The following NAALADL2 variants were observed in gnomAD, a reference collection of about 807,000 sequenced individuals.
The protein encoded by NAALADL2 is N-acetylated alpha-linked acidic dipeptidase like 2.
A neutral mutation model predicts 87.2 loss-of-function variants in NAALADL2; 76 were observed. That is an observed-to-expected ratio of 0.87 (90% CI 0.72 to 1.05). NAALADL2 has a LOEUF of 1.05. Among genes scored for constraint, NAALADL2 ranks in the 50% least tolerant of loss-of-function variants. NAALADL2 has a pLI of 0.00. For missense variants in NAALADL2, 1,089 were observed against 945.8 expected (o/e 1.15, Z -1.99); for synonymous variants, 354 against 331.0 (o/e 1.07, Z -0.75).
At chr3:175,068,002 C>A (rs753542221) in intron 1 of NAALADL2, among the ~76,000 whole-genome samples, 4 of 152,150 alleles carry the variant, frequency 2.6e-5, no homozygotes, top group Non-Finnish European at 5.9e-5. Context: ...AAACCATATA[C>A]CACATGTTCT....
At chr3:174,662,490 A>G (rs1725591904) in intron 2 of NAALADL2, among the ~76,000 whole-genome samples, 1 of 151,562 alleles carries the variant, frequency 6.6e-6, no homozygotes, top group Admixed American at 6.6e-5. Context: ...AACAGCATCA[A>G]CTATTTTTTG....
chr3:174,611,676 C>T (rs71310593), intron 2 of NAALADL2, among the ~76,000 whole-genome samples: 1 of 151,828 alleles, frequency 6.6e-6, no homozygotes, highest in Admixed American at 6.6e-5. Flanking sequence ...GCTGCAACCT[C>T]TGCCTCCCGG....
intron 1 of NAALADL2, among the ~76,000 whole-genome samples, chr3:174,989,294 G>A (rs961884303): frequency 6.6e-6 from 1 of 152,128 alleles, no homozygotes; most frequent in Non-Finnish European, 1.5e-5. Flanking sequence ...GGTACTGTCA[G>A]GATTTCAGAC....
intron 1 of NAALADL2, among the ~76,000 whole-genome samples, chr3:174,946,872 C>T (rs1009349209): frequency 2.6e-5 from 4 of 152,130 alleles, no homozygotes; most frequent in African/African-American, 9.7e-5. Flanking sequence ...AACATATGAA[C>T]ATTTCTATTT....
chr3:175,278,630 G>A (rs1013542275), intron 4 of NAALADL2, among the ~76,000 whole-genome samples: 4 of 152,068 alleles, frequency 2.6e-5, no homozygotes, highest in African/African-American at 4.8e-5. Flanking sequence ...GTGAGAAAGT[G>A]ACTTTGGACT....
Position 175,755,231 on chromosome 3 carries a change from A to C in NAALADL2, c.2002A>C (p.Asn668His), listed in dbSNP as rs1273011335. Residue 668 changes from asparagine to histidine, a missense_variant, in exon 13 of 14, where the codon AAC becomes CAC. Asn to His is a moderately conservative substitution (Grantham distance 68, BLOSUM62 1). Coordinates refer to ENST00000454872, the MANE Select transcript of NAALADL2 (RefSeq NM_207015.3). The part of the protein sequence containing the change: ...VQNNLKGDQP[N>H]THQLLAMALR... Reference sequence around the variant, plus strand: ...TTTATCTTCACCAGGTGATCAACCCAACACTCATCAACTGTTAGCCATGGC... The same window carrying C: ...TTTATCTTCACCAGGTGATCAACCCCACACTCATCAACTGTTAGCCATGGC... 5.6e-6 allele frequency: 9 copies of C among 1,612,730 alleles called. No homozygotes were observed. Among genetic ancestry groups the C allele is most frequent in the Non-Finnish European group, 6.8e-6 (8 of 1,179,618 alleles).
chr3:174,564,857 C>G, intron 2 of NAALADL2, among the ~76,000 whole-genome samples: 1 of 151,424 alleles, frequency 6.6e-6, no homozygotes, highest in South Asian at 2.1e-4. Context: ...TTCCATTTCT[C>G]TACAGACTTT....
Position 174,475,735 on chromosome 3 carries a change from T to C in NAALADL2, c.-184+34703T>C, listed in dbSNP as rs79035447. On this transcript the variant is annotated intron_variant, in intron 1 of 3. Transcript: ENST00000434257. The stretch of plus-strand genomic sequence containing the variant: ...TAGGAATAAAACACGACTTCTTCCT[T>C]TGTCCTCTTCGCTTCTTTTGGTGAG... Among the ~76,000 whole-genome samples the C allele has an allele frequency of 1.9e-3, 288 of 152,184 alleles. 1 individual carries two copies. The highest frequency in any genetic ancestry group is 6.6e-3 in the African/African-American group (276 of 41,584).
rs529154318 is a variant in NAALADL2 at position 175,182,299 on chromosome 3, T to C, written c.546-51632T>C. Among the ~76,000 whole-genome samples, 98 of 152,234 alleles carry C rather than the reference T, an allele frequency of 6.4e-4. No individual in the cohort carries two copies. In the Middle Eastern group the frequency reaches 0.01, roughly 16 times the overall value. On this transcript the variant is annotated intron_variant, in intron 2 of 13. Coordinates refer to ENST00000454872, the MANE Select transcript of NAALADL2 (RefSeq NM_207015.3). ...TTTCTTATATATTTTGGATACTAGC[T>C]CTTTACCAAATGTATGGCTTGAAAA...
chr3:175,214,838 C>CA (rs1482444869), intron 2 of NAALADL2, among the ~76,000 whole-genome samples: 1 of 152,062 alleles, frequency 6.6e-6, no homozygotes, highest in Non-Finnish European at 1.5e-5. Flanking sequence ...GTCTGCAATC[C>CA]AGCAGTACAG....
At chr3:175,449,257 T>C (rs1721168320) in intron 6 of NAALADL2, among the ~76,000 whole-genome samples, 1 of 152,024 alleles carries the variant, frequency 6.6e-6, no homozygotes, top group Non-Finnish European at 1.5e-5. Context: ...TTTTAAATCT[T>C]GTTGTAGAGA....
intron 3 of NAALADL2, among the ~76,000 whole-genome samples, chr3:175,254,808 A>G (rs868267522): frequency 6.6e-6 from 1 of 152,260 alleles, no homozygotes; most frequent in African/African-American, 2.4e-5. Context: ...AAAATGTATT[A>G]AAGGCACTGA....
intron 10 of NAALADL2, among the ~76,000 whole-genome samples, chr3:175,617,528 G>A (rs900967144): frequency 6.6e-6 from 1 of 152,184 alleles, no homozygotes; most frequent in African/African-American, 2.4e-5. Flanking sequence ...GTTACCAGGT[G>A]CATCTCAGGG....
chr3:174,755,260 C>T (rs565352767), intron 3 of NAALADL2, among the ~76,000 whole-genome samples: 9 of 152,212 alleles, frequency 5.9e-5, no homozygotes, highest in Non-Finnish European at 8.8e-5. Context: ...CCCAAGGCCT[C>T]GTCAGCCATG....
At chr3:175,168,660 TATTG>T (rs1468606150) in intron 2 of NAALADL2, among the ~76,000 whole-genome samples, 2 of 151,938 alleles carry the variant, frequency 1.3e-5, no homozygotes, top group East Asian at 1.9e-4. Flanking sequence ...AAGGCTGAGA[TATTG>T]ATATCTTTTT....
At chr3:175,040,401 A>C (rs1753925912) in intron 1 of NAALADL2, among the ~76,000 whole-genome samples, 1 of 152,216 alleles carries the variant, frequency 6.6e-6, no homozygotes, top group African/African-American at 2.4e-5. Context: ...ATATTTGTGT[A>C]AAAGAGGACT....
intron 1 of NAALADL2, among the ~76,000 whole-genome samples, chr3:174,543,690 G>A (rs965373474): frequency 6.6e-6 from 1 of 152,016 alleles, no homozygotes; most frequent in African/African-American, 2.4e-5. Context: ...TTTTATGGAA[G>A]TATTATGTAA....
intron 4 of NAALADL2, among the ~76,000 whole-genome samples, chr3:175,301,331 G>A (rs1230333221): frequency 3.3e-5 from 5 of 152,006 alleles, no homozygotes; most frequent in Non-Finnish European, 4.4e-5. Flanking sequence ...CGTAGATGGC[G>A]GGTTGATAGG....
chr3:175,553,000 C>G (rs2149494012), intron 9 of NAALADL2, among the ~76,000 whole-genome samples: 1 of 152,072 alleles, frequency 6.6e-6, no homozygotes, highest in East Asian at 1.9e-4. Context: ...TGAATTTACT[C>G]TTAAAGATTT....
Sources: allele counts gnomAD v4.1 joint callset (sites outside exome capture counted in the v4.1 genomes callset), GRCh38; gene constraint gnomAD v4.1.1; transcripts MANE v1.5; gene names NCBI Gene and HGNC (gene_info 2026-07-23, HGNC 2026-07-21).